The following ANKS1B variants were observed in gnomAD, a reference collection of about 807,000 sequenced individuals.
ANKS1B encodes the protein ankyrin repeat and sterile alpha motif domain-containing protein 1B.
A neutral mutation model predicts 148.3 loss-of-function variants in ANKS1B; 36 were observed. The observed-to-expected ratio is 0.24, with a 90% confidence interval of 0.19 to 0.32. The LOEUF (loss-of-function observed/expected upper bound fraction) is 0.32. ANKS1B is among the 10% of genes least tolerant of loss of function. The pLI is 1.00. For missense variants in ANKS1B, 1,157 were observed against 1,542.6 expected, an observed-to-expected ratio of 0.75 and a Z score of 4.19; for synonymous variants, 542 against 560.8, an observed-to-expected ratio of 0.97 and a Z score of 0.47.
intron 17 of ANKS1B, among the ~76,000 whole-genome samples, chr12:98,977,616 A>G (rs2099899288): frequency 6.6e-6 from 1 of 152,206 alleles, no homozygotes; most frequent in Non-Finnish European, 1.5e-5. Flanking sequence ...TTAGAAAATT[A>G]GTCAAGTCAG....
chr12:99,136,255 C>T (rs1047109885), intron 15 of ANKS1B, among the ~76,000 whole-genome samples: 1 of 152,210 alleles, frequency 6.6e-6, no homozygotes, highest in African/African-American at 2.4e-5. Flanking sequence ...CCACACCCCA[C>T]GAGTTGGCAT....
rs1182161120 is a variant in ANKS1B, at chr12:99,406,778, G to GA, written c.1576-6968dup. On this transcript the variant is annotated intron_variant, in intron 11 of 26. Transcript: ENST00000683438. ...ATTGACAAACCTTTAGCCAGATTAA[G>GA]AAAAGAGAGATAAGCCTCAAGTAAA... is the stretch of plus-strand genomic sequence containing the variant. Among the ~76,000 whole-genome samples, 12 of 145,476 alleles carry GA rather than the reference G, an allele frequency of 8.2e-5. 1 individual carries two copies. The highest frequency in any genetic ancestry group is 1.4e-4 in the Non-Finnish European group (9 of 65,868).
intron 9 of ANKS1B, chr12:99,649,571 AAC>A (rs2098404727): frequency 3.5e-6 from 2 of 572,388 alleles, no homozygotes; most frequent in Non-Finnish European, 6.2e-6. Context: ...TCAGGAGAGA[AAC>A]ACAGCACTGG....
At chr12:99,323,550 C>T (rs2085721680) in intron 12 of ANKS1B, among the ~76,000 whole-genome samples, 1 of 152,178 alleles carries the variant, frequency 6.6e-6, no homozygotes, top group African/African-American at 2.4e-5. Flanking sequence ...CTCTTTCTTA[C>T]TTTCATGTCT....
intron 11 of ANKS1B, among the ~76,000 whole-genome samples, chr12:99,429,649 G>C (rs1463845500): frequency 6.6e-6 from 1 of 152,164 alleles, no homozygotes; most frequent in Non-Finnish European, 1.5e-5. Context: ...TCTGGTTATA[G>C]ATAAATATCC....
intron 15 of ANKS1B, among the ~76,000 whole-genome samples, chr12:99,111,287 A>G (rs1236238067): frequency 1.3e-5 from 2 of 152,218 alleles, no homozygotes; most frequent in African/African-American, 4.8e-5. Context: ...AAGAAAAAGC[A>G]AGTCTTATTT....
chr12:99,611,242 G>A (rs2097899711), intron 9 of ANKS1B, among the ~76,000 whole-genome samples: 1 of 152,066 alleles, frequency 6.6e-6, no homozygotes, highest in African/African-American at 2.4e-5. Flanking sequence ...TTAAAAGTAA[G>A]AGTCACAGAA....
chr12:99,951,533 C>G (rs1029633597), intron 1 of ANKS1B, among the ~76,000 whole-genome samples: 5 of 152,104 alleles, frequency 3.3e-5, no homozygotes, highest in Admixed American at 3.3e-4. Flanking sequence ...TTGGTGTTGA[C>G]TAGACCTCAC....
At chr12:99,012,514 G>A (rs1292774280) in intron 17 of ANKS1B, among the ~76,000 whole-genome samples, 2 of 152,178 alleles carry the variant, frequency 1.3e-5, no homozygotes, top group Admixed American at 6.5e-5. Flanking sequence ...GCCATGGAGA[G>A]TTCCTCCAAA....
At chr12:98,953,081 T>G (rs910598229) in intron 17 of ANKS1B, among the ~76,000 whole-genome samples, 4 of 151,922 alleles carry the variant, frequency 2.6e-5, no homozygotes, top group Non-Finnish European at 5.9e-5. Flanking sequence ...AGTGCAGTGC[T>G]GTGATCTTGG....
chr12:98,934,019 C>T (rs542039988), intron 17 of ANKS1B, among the ~76,000 whole-genome samples: 62 of 151,970 alleles, frequency 4.1e-4, no homozygotes, highest in Non-Finnish European at 7.2e-4. Context: ...TGATGTAGTC[C>T]TACTTATTTT....
At chr12:99,810,093 T>C (rs1353178032) in intron 3 of ANKS1B, among the ~76,000 whole-genome samples, 1 of 152,058 alleles carries the variant, frequency 6.6e-6, no homozygotes, top group Admixed American at 6.6e-5. Context: ...TGCGCTGTTG[T>C]GTAAAAGGCT....
chr12:99,637,969 C>T (rs577938286), intron 9 of ANKS1B, among the ~76,000 whole-genome samples: 3 of 151,790 alleles, frequency 2.0e-5, no homozygotes, highest in African/African-American at 4.8e-5. Flanking sequence ...AATTAAATCA[C>T]GGGGATGGTT....
At chr12:98,922,287 G>A (rs1319068043) in intron 17 of ANKS1B, among the ~76,000 whole-genome samples, 1 of 151,534 alleles carries the variant, frequency 6.6e-6, no homozygotes, top group South Asian at 2.1e-4. Context: ...CATTCCTCTA[G>A]TACTCTGAAT....
chr12:99,511,483 T>C (rs1325097185), intron 9 of ANKS1B, among the ~76,000 whole-genome samples: 2 of 151,998 alleles, frequency 1.3e-5, no homozygotes, highest in Non-Finnish European at 2.9e-5. Flanking sequence ...AAAATGGCCA[T>C]ACTGTCCAAA....
intron 9 of ANKS1B, among the ~76,000 whole-genome samples, chr12:99,550,363 C>T (rs2097206641): frequency 6.6e-6 from 1 of 152,138 alleles, no homozygotes; most frequent in South Asian, 2.1e-4. Context: ...GTGGCTTAGG[C>T]CTGTAATCCC....
intron 10 of ANKS1B, among the ~76,000 whole-genome samples, chr12:99,493,223 G>A (rs1048202016): frequency 6.6e-6 from 1 of 152,182 alleles, no homozygotes; most frequent in South Asian, 2.1e-4. Flanking sequence ...AAAAATAGTA[G>A]TTAAAAATCT....
intron 1 of ANKS1B, among the ~76,000 whole-genome samples, chr12:99,903,264 G>C (rs1021930393): frequency 6.6e-6 from 1 of 152,170 alleles, no homozygotes; most frequent in Non-Finnish European, 1.5e-5. Flanking sequence ...AACTGGTCTA[G>C]ATGAAACCAA....
At chr12:99,082,154 A>G (rs1366594344) in intron 16 of ANKS1B, among the ~76,000 whole-genome samples, 1 of 152,202 alleles carries the variant, frequency 6.6e-6, no homozygotes, top group Non-Finnish European at 1.5e-5. Flanking sequence ...AGAGAATAAG[A>G]CAGTCAAGGT....
Sources: allele counts gnomAD v4.1 joint callset (sites outside exome capture counted in the v4.1 genomes callset), GRCh38; gene constraint gnomAD v4.1.1; transcripts MANE v1.5; gene names NCBI Gene and HGNC (gene_info 2026-07-23, HGNC 2026-07-21).